USP15: variants seen among roughly 807,000 people sequenced by gnomAD.
USP15 encodes ubiquitin specific peptidase 15.
A neutral mutation model predicts 127.1 loss-of-function variants in USP15; 18 were observed. The ratio of observed to expected loss-of-function variants is 0.14; its 90% CI spans 0.10 to 0.21. The LOEUF is 0.21. Among genes scored for constraint, USP15 ranks in the 10% least tolerant of loss-of-function variants. The pLI, the probability that USP15 is intolerant of heterozygous loss-of-function variation, is 1.00. For synonymous variants in USP15, 364 were observed against 393.7 expected (o/e 0.92, Z 0.89); for missense variants, 805 against 1,159.9 (o/e 0.69, Z 4.44).
chr12:62,286,123 G>T (rs556068125), intron 1 of USP15, among the ~76,000 whole-genome samples: 8 of 151,508 alleles, frequency 5.3e-5, no homozygotes, highest in African/African-American at 1.9e-4. Context: ...CAAAATGGGA[G>T]AAAATATTTT....
chr12:62,337,477 A>T lies in USP15; in HGVS notation c.683+11544A>T, dbSNP rs530366210. Among the ~76,000 whole-genome samples the T allele has an allele frequency of 5.3e-5, 8 of 151,978 alleles. No homozygotes were observed. The East Asian group carries it at 1.5e-3, about 29-fold the overall frequency. ...TTGTTTTTTGTCTTTTTTAAATTTT[A>T]TTTTATTTTAAGTTCTGGGATACAC... On this transcript the variant is annotated intron_variant, in intron 6 of 21. Coordinates refer to ENST00000280377, the MANE Select transcript of USP15 (RefSeq NM_001252078.2).
chr12:62,313,043 A>G (rs2064728736), intron 3 of USP15, among the ~76,000 whole-genome samples: 1 of 151,720 alleles, frequency 6.6e-6, no homozygotes, highest in South Asian at 2.1e-4. Flanking sequence ...TTGTTAATAC[A>G]CTACTTTGGG....
Position 62,306,592 on chromosome 12 carries a change from A to G in USP15, c.348+3672A>G, listed in dbSNP as rs533623516. 1.1e-3 allele frequency among the ~76,000 whole-genome samples: 172 copies of G among 152,290 alleles called. 1 individual carries two copies. The highest frequency in any genetic ancestry group is 4.0e-3 in the African/African-American group (166 of 41,562). On this transcript the variant is annotated intron_variant, in intron 3 of 21. Transcript: ENST00000280377. ...ATTTAATGAAATTATAGGTCTGCCA[A>G]AGTGTTAAAAGTACTGCCTAGTTTC... is the stretch of plus-strand genomic sequence containing the variant.
At chr12:62,391,783 A>C in intron 16 of USP15, 33 bp from the exon 17 acceptor site, 1 of 1,524,238 alleles carries the variant, frequency 6.6e-7, no homozygotes, top group Non-Finnish European at 8.9e-7. Context: ...AGACATATTA[A>C]ATTTTAAAGA....
chr12:62,281,592 G>T (rs1446317925), intron 1 of USP15, among the ~76,000 whole-genome samples: 1 of 152,132 alleles, frequency 6.6e-6, no homozygotes, highest in African/African-American at 2.4e-5. Flanking sequence ...AGCCATCTTG[G>T]CCTCCCACAG....
At chr12:62,270,061 A>G (rs952216916) in intron 1 of USP15, among the ~76,000 whole-genome samples, 2 of 152,096 alleles carry the variant, frequency 1.3e-5, no homozygotes, top group African/African-American at 4.8e-5. Flanking sequence ...TTTAATATAT[A>G]GCCATCTTAG....
intron 6 of USP15, among the ~76,000 whole-genome samples, chr12:62,326,842 A>G (rs1430447773): frequency 6.6e-6 from 1 of 152,208 alleles, no homozygotes. Flanking sequence ...ATTTAAAACT[A>G]CAATGCCCTC....
intron 6 of USP15, among the ~76,000 whole-genome samples, chr12:62,348,081 C>T (rs1342305974): frequency 6.6e-6 from 1 of 151,982 alleles, no homozygotes; most frequent in African/African-American, 2.4e-5. Flanking sequence ...CGGTGGCACA[C>T]GCCTATAGTT....
chr12:62,353,287 T>C (rs1055060489), intron 7 of USP15, among the ~76,000 whole-genome samples: 2 of 152,080 alleles, frequency 1.3e-5, no homozygotes, highest in Non-Finnish European at 2.9e-5. Flanking sequence ...AAAAAACTGC[T>C]TTGCAAGTAA....
chr12:62,315,939 C>T (rs1008676148), intron 4 of USP15, among the ~76,000 whole-genome samples: 1 of 152,060 alleles, frequency 6.6e-6, no homozygotes, highest in East Asian at 1.9e-4. Flanking sequence ...AATCTTTATT[C>T]TCCCCTCTTC....
At chr12:62,299,211 A>G (rs1490600154) in intron 2 of USP15, among the ~76,000 whole-genome samples, 2 of 152,060 alleles carry the variant, frequency 1.3e-5, no homozygotes, top group African/African-American at 4.8e-5. Context: ...CCCAGGTTCG[A>G]GCGATTATCC....
intron 7 of USP15, among the ~76,000 whole-genome samples, chr12:62,353,485 A>T (rs139942560): frequency 6.6e-6 from 1 of 152,028 alleles, no homozygotes; most frequent in Non-Finnish European, 1.5e-5. Context: ...GTGTGTGTGT[A>T]TAGGCATGAC....
chr12:62,388,169 C>A (rs2067217587), intron 11 of USP15, among the ~76,000 whole-genome samples: 1 of 129,174 alleles, frequency 7.7e-6, no homozygotes, highest in African/African-American at 3.0e-5. Flanking sequence ...CTTGCTCTGT[C>A]ACCCAAGTTG....
chr12:62,377,758 T>C (rs2066874253), intron 8 of USP15, among the ~76,000 whole-genome samples: 1 of 151,928 alleles, frequency 6.6e-6, no homozygotes, highest in African/African-American at 2.4e-5. Flanking sequence ...TTCTTTTTTC[T>C]GCCAGAATGA....
intron 4 of USP15, 175 bp downstream of exon 4, chr12:62,315,091 T>G (rs1365063472): frequency 1.8e-6 from 1 of 555,896 alleles, no homozygotes; most frequent in African/African-American, 2.0e-5. Flanking sequence ...TTGTATGCTT[T>G]TGCATTTATT....
intron 6 of USP15, among the ~76,000 whole-genome samples, chr12:62,330,580 C>A (rs144533610): frequency 3.2e-5 from 4 of 126,614 alleles, no homozygotes; most frequent in African/African-American, 6.7e-5. Context: ...AGTGAGACTC[C>A]ATCTCAAAAA....
In USP15 at chr12:62,409,517, A is replaced by G. The variant is rs553257430; in HGVS notation, c.*5142A>G. 2.0e-5 allele frequency: 3 copies of G among 152,290 alleles called. No homozygotes were observed. The highest frequency in any genetic ancestry group is 2.1e-4 in the South Asian group (1 of 4,824). 9.4% of individuals were successfully genotyped at this position (152,290 alleles called of 1,614,324 possible). A position where few individuals can be genotyped will look rare whatever the true frequency, so the allele number is the denominator to read the frequency against. ...GTTTAAGTTGTATTGGTAATTTACT[A>G]TGTTCTCCTGTAGAAAATCATAATT... On this transcript the variant is annotated 3_prime_UTR_variant, in exon 22 of 22. Transcript: ENST00000280377.
At chr12:62,403,735 G>A (rs2067771117) in intron 21 of USP15, among the ~76,000 whole-genome samples, 1 of 151,936 alleles carries the variant, frequency 6.6e-6, no homozygotes, top group Non-Finnish European at 1.5e-5. Context: ...CAGTGGATAA[G>A]GACTCATTGA....
intron 1 of USP15, among the ~76,000 whole-genome samples, chr12:62,289,215 CTTGTTG>C (rs143937716): frequency 7.3e-5 from 11 of 150,650 alleles, no homozygotes; most frequent in East Asian, 1.9e-4. Flanking sequence ...CTCTCCTGAG[CTTGTTG>C]TTGTTGTTGT....
Sources: allele counts gnomAD v4.1 joint callset (sites outside exome capture counted in the v4.1 genomes callset), GRCh38; gene constraint gnomAD v4.1.1; transcripts MANE v1.5; gene names NCBI Gene and HGNC (gene_info 2026-07-23, HGNC 2026-07-21).